The following CCDC192 variants were observed in gnomAD, a reference collection of about 807,000 sequenced individuals.
CCDC192 encodes the protein coiled-coil domain containing 192.
chr5:127,868,180 T>A (rs1374874114), intron 5 of CCDC192, among the ~76,000 whole-genome samples: 1 of 152,070 alleles, frequency 6.6e-6, no homozygotes, highest in African/African-American at 2.4e-5. Context: ...AAAGTCCCGC[T>A]ACTTCTGATA....
chr5:127,782,956 C>T (rs541787058), intron 3 of CCDC192, among the ~76,000 whole-genome samples: 1 of 149,654 alleles, frequency 6.7e-6, no homozygotes, highest in Admixed American at 6.7e-5. Flanking sequence ...GGGCTATGAA[C>T]TTTCCTCCTA....
intron 5 of CCDC192, among the ~76,000 whole-genome samples, chr5:127,806,158 C>G (rs1459401576): frequency 6.6e-6 from 1 of 152,140 alleles, no homozygotes; most frequent in Non-Finnish European, 1.5e-5. Flanking sequence ...TTTCTTTTCC[C>G]CACCAAATAG....
intron 5 of CCDC192, among the ~76,000 whole-genome samples, chr5:127,802,650 C>T (rs1020436663): frequency 6.6e-6 from 1 of 152,174 alleles, no homozygotes; most frequent in Non-Finnish European, 1.5e-5. Flanking sequence ...TCTTTTCAGT[C>T]ATTTGTCACA....
At chr5:127,794,596 G>A (rs1451369148) in intron 3 of CCDC192, among the ~76,000 whole-genome samples, 4 of 152,054 alleles carry the variant, frequency 2.6e-5, no homozygotes, top group Non-Finnish European at 5.9e-5. Context: ...CTGACTTTCT[G>A]GCTAAAGTAT....
intron 2 of CCDC192, among the ~76,000 whole-genome samples, chr5:127,749,880 G>GA (rs1188385921): frequency 6.6e-6 from 1 of 152,148 alleles, no homozygotes; most frequent in African/African-American, 2.4e-5. Context: ...ATTTCTTCTA[G>GA]ATTTTCTAGT....
chr5:127,773,911 C>T (rs2126917097), intron 3 of CCDC192, among the ~76,000 whole-genome samples: 1 of 152,276 alleles, frequency 6.6e-6, no homozygotes, highest in South Asian at 2.1e-4. Flanking sequence ...TCTCCATATC[C>T]TCAGCAACAC....
chr5:127,791,065 A>G (rs1175878609), intron 3 of CCDC192, among the ~76,000 whole-genome samples: 3 of 152,174 alleles, frequency 2.0e-5, no homozygotes, highest in Non-Finnish European at 4.4e-5. Context: ...TACATATGAT[A>G]CCTTATGAAG....
intron 2 of CCDC192, among the ~76,000 whole-genome samples, chr5:127,719,115 T>C (rs1317085792): frequency 6.6e-6 from 1 of 152,140 alleles, no homozygotes; most frequent in Admixed American, 6.5e-5. Context: ...ATTGTTTTAA[T>C]TTTTAGCTCC....
chr5:127,711,824 C>G (rs952962585), intron 2 of CCDC192, among the ~76,000 whole-genome samples: 2 of 152,054 alleles, frequency 1.3e-5, no homozygotes, highest in Non-Finnish European at 2.9e-5. Context: ...TTTTTTACCA[C>G]TCTAATAGGT....
chr5:127,875,549 T>C lies in CCDC192; in HGVS notation c.423T>C (p.His141=). Residue 141 remains histidine, a synonymous_variant, in exon 6 of 7, where the codon CAT becomes CAC. Transcript: ENST00000514853. ...TTTTTTTTTTTAAGAAACTAAAGCATGAAAAGAAAGTGAAAAAACTACAGA... is the reference window on the plus strand; with the variant it reads ...TTTTTTTTTTTAAGAAACTAAAGCACGAAAAGAAAGTGAAAAAACTACAGA... ...QEQLIAQKLK[H]EKKVKKLQTD... is the part of the protein sequence containing the mutation. 2.5e-6 allele frequency: 1 copy of C among 397,090 alleles called. No homozygotes were observed. The highest frequency in any genetic ancestry group is 4.4e-6 in the Non-Finnish European group (1 of 225,652). 24.6% of individuals were successfully genotyped at this position (397,090 alleles called of 1,614,324 possible). A position where few individuals can be genotyped will look rare whatever the true frequency, so the allele number is the denominator to read the frequency against.
intron 5 of CCDC192, among the ~76,000 whole-genome samples, chr5:127,818,538 C>A (rs765134741): frequency 4.6e-5 from 7 of 152,160 alleles, no homozygotes; most frequent in Non-Finnish European, 7.3e-5. Context: ...TACATAGAGA[C>A]CCCATACATA....
chr5:127,911,699 C>CTTT (rs10718531), intron 6 of CCDC192, among the ~76,000 whole-genome samples: 1 of 117,338 alleles, frequency 8.5e-6, no homozygotes. Flanking sequence ...CCTTATACCA[C>CTTT]TTTTTTTTTT....
intron 3 of CCDC192, among the ~76,000 whole-genome samples, chr5:127,795,458 C>T (rs982025671): frequency 6.6e-6 from 1 of 152,088 alleles, no homozygotes; most frequent in Non-Finnish European, 1.5e-5. Context: ...TCATGTAATC[C>T]TCAAAACCAA....
At chr5:127,927,224 TGA>T (rs993101157) in intron 6 of CCDC192, among the ~76,000 whole-genome samples, 3 of 151,830 alleles carry the variant, frequency 2.0e-5, no homozygotes, top group African/African-American at 4.8e-5. Flanking sequence ...AATAAGATAT[TGA>T]GAGAGAGAGA....
chr5:127,900,092 G>A (rs539353890), intron 6 of CCDC192, among the ~76,000 whole-genome samples: 4 of 148,396 alleles, frequency 2.7e-5, no homozygotes, highest in South Asian at 4.4e-4. Context: ...AGTGTAGAGC[G>A]GAAAGAATCA....
intron 5 of CCDC192, among the ~76,000 whole-genome samples, chr5:127,864,618 C>T (rs1751521050): frequency 1.3e-5 from 2 of 152,194 alleles, no homozygotes; most frequent in Non-Finnish European, 2.9e-5. Context: ...AGAGCAAGGA[C>T]ATTTGTTTAG....
At chr5:127,739,196 G>A (rs1215150412) in intron 2 of CCDC192, among the ~76,000 whole-genome samples, 1 of 152,102 alleles carries the variant, frequency 6.6e-6, no homozygotes, top group Non-Finnish European at 1.5e-5. Context: ...GCCGTGTGAG[G>A]TGTCAGTGTG....
chr5:127,772,713 A>G (rs1755634003), intron 3 of CCDC192, among the ~76,000 whole-genome samples: 7 of 152,134 alleles, frequency 4.6e-5, no homozygotes, highest in Admixed American at 4.6e-4. Flanking sequence ...ATGATCTCTT[A>G]TACTGGAAAT....
chr5:127,887,992 C>T (rs1357697082), intron 6 of CCDC192, among the ~76,000 whole-genome samples: 4 of 152,064 alleles, frequency 2.6e-5, no homozygotes, highest in South Asian at 2.1e-4. Flanking sequence ...CACGAGCCAG[C>T]GCGCCCAACC....
Sources: gnomAD v4.1 joint callset for allele counts (sites outside exome capture counted in the v4.1 genomes callset) on GRCh38, gnomAD v4.1.1 for gene constraint, MANE v1.5 for transcripts, NCBI Gene and HGNC (gene_info 2026-07-23, HGNC 2026-07-21) for gene names.